NFIC: variants seen among roughly 807,000 people sequenced by gnomAD.
NFIC encodes nuclear factor I C.
NFIC carries 12 observed loss-of-function variants against 54.4 expected under a neutral mutation model. That is an observed-to-expected ratio of 0.22 (90% confidence interval 0.14 to 0.36). The LOEUF (loss-of-function observed/expected upper bound fraction) is 0.36. NFIC is among the 10% of genes least tolerant of loss of function. The probability of loss-of-function intolerance (pLI) is 1.00; values close to 1 mark genes in which losing one functional copy is unlikely to be tolerated. For missense variants in NFIC, 575 were observed against 718.2 expected (o/e 0.80, Z 2.28); for synonymous variants, 322 against 319.2 (o/e 1.01, Z -0.09).
chr19:3,417,722 T>A lies in NFIC; in HGVS notation c.563-7384T>A, dbSNP rs374622366. 1.1e-4 allele frequency among the ~76,000 whole-genome samples: 17 copies of A among 147,986 alleles called. No individual in the cohort carries two copies. The East Asian group carries it at 2.6e-3, about 23-fold the overall frequency. ...CTCACTGCAACCTCTGCCTCCCGGG[T>A]TCACGCCATTCTCCTGCCTCAGCCT... On this transcript the variant is annotated intron_variant, in intron 2 of 10. Coordinates refer to ENST00000443272, the MANE Select transcript of NFIC (RefSeq NM_001245002.2).
In NFIC at chr19:3,409,225, A is replaced by T. The variant is rs576884938; in HGVS notation, c.563-15881A>T. On this transcript the variant is annotated intron_variant, in intron 2 of 10. Coordinates refer to ENST00000443272, the MANE Select transcript of NFIC (RefSeq NM_001245002.2). ...TCTGTCTCTGCCTTTCACACATCCA[A>T]CTTCATTCCTGCCCCGTGGACCTTG... 1.3e-3 allele frequency among the ~76,000 whole-genome samples: 203 copies of T among 151,694 alleles called. 1 individual carries two copies. The highest frequency in any genetic ancestry group is 4.8e-3 in the African/African-American group (197 of 41,348).
At chr19:3,404,527 G>C (rs891560691) in intron 2 of NFIC, among the ~76,000 whole-genome samples, 1 of 152,042 alleles carries the variant, frequency 6.6e-6, no homozygotes, top group South Asian at 2.1e-4. Flanking sequence ...CAGAGGGGCT[G>C]GGGGAGGCGG....
intron 6 of NFIC, among the ~76,000 whole-genome samples, chr19:3,443,621 A>G (rs1291949270): frequency 6.6e-6 from 1 of 152,024 alleles, no homozygotes; most frequent in African/African-American, 2.4e-5. Context: ...TGGGACGCAG[A>G]GGATCATGGG....
At chr19:3,423,468 G>T (rs2081983425) in intron 2 of NFIC, among the ~76,000 whole-genome samples, 1 of 152,062 alleles carries the variant, frequency 6.6e-6, no homozygotes, top group South Asian at 2.1e-4. Flanking sequence ...TCTTCCTGCG[G>T]CTTTCGACGT....
At chr19:3,454,239 C>T (rs2082516661) in intron 9 of NFIC, 5 of 1,176,234 alleles carry the variant, frequency 4.3e-6, no homozygotes, top group East Asian at 4.1e-5. Context: ...ACAGTGGACA[C>T]GGATCTCACA....
chr19:3,434,165 G>C (rs969815597), intron 4 of NFIC, 112 bp from the exon 5 acceptor site: 1 of 1,452,804 alleles, frequency 6.9e-7, no homozygotes, highest in African/African-American at 1.4e-5. Context: ...GGGCCAATAT[G>C]GGAAGGGGGT....
At chr19:3,435,832 TTTC>T (rs1555679513) in intron 6 of NFIC, among the ~76,000 whole-genome samples, 4 of 151,812 alleles carry the variant, frequency 2.6e-5, no homozygotes, top group African/African-American at 9.7e-5. Flanking sequence ...TCTTTCTTTC[TTTC>T]TTTTTTTTGA....
chr19:3,463,452 A>C lies in NFIC; in HGVS notation c.*683A>C. On this transcript the variant is annotated 3_prime_UTR_variant, in exon 11 of 11. Transcript: ENST00000443272. Reference sequence around the variant, plus strand: ...GGCGCTTGCGAGCCCTGGCCAGGGGAGGAAGTGAGGCCCAGGCACCTGCTG... The same window carrying C: ...GGCGCTTGCGAGCCCTGGCCAGGGGCGGAAGTGAGGCCCAGGCACCTGCTG... 1.0e-6 allele frequency: 1 copy of C among 985,208 alleles called. No homozygotes were observed. Among genetic ancestry groups the C allele is most frequent in the Non-Finnish European group, 1.2e-6 (1 of 829,932 alleles). 61.0% of individuals were successfully genotyped at this position (985,208 alleles called of 1,614,324 possible).
At chr19:3,434,453 C>G in intron 5 of NFIC, 53 bp downstream of exon 5, 1 of 1,542,480 alleles carries the variant, frequency 6.5e-7, no homozygotes, top group Non-Finnish European at 8.7e-7. Context: ...TTCATCAACC[C>G]ATCCCCTCTG....
chr19:3,423,543 C>T (rs569388523), intron 2 of NFIC, among the ~76,000 whole-genome samples: 1 of 152,254 alleles, frequency 6.6e-6, no homozygotes, highest in South Asian at 2.1e-4. Flanking sequence ...GGGGCGTCTG[C>T]CTGGCTGGGC....
chr19:3,430,080 AG>A (rs1165118080), intron 3 of NFIC, among the ~76,000 whole-genome samples: 4 of 152,106 alleles, frequency 2.6e-5, no homozygotes, highest in African/African-American at 9.7e-5. Context: ...GTTCCCCACC[AG>A]CCGCCTGCCT....
chr19:3,397,923 G>A (rs2081491025), intron 2 of NFIC, among the ~76,000 whole-genome samples: 1 of 152,220 alleles, frequency 6.6e-6, no homozygotes, highest in Admixed American at 6.5e-5. Context: ...GTCTGGAGCA[G>A]GAGATGTGAT....
intron 3 of NFIC, among the ~76,000 whole-genome samples, chr19:3,428,461 A>AG (rs2082063024): frequency 1.3e-5 from 2 of 151,048 alleles, no homozygotes; most frequent in Non-Finnish European, 3.0e-5. Context: ...AAAAAAAAAA[A>AG]GGAAAGGAAA....
chr19:3,461,548 C>T (rs2082639136), intron 10 of NFIC, among the ~76,000 whole-genome samples: 1 of 151,346 alleles, frequency 6.6e-6, no homozygotes, highest in Non-Finnish European at 1.5e-5. Flanking sequence ...CATGGCGAAA[C>T]CCGGTCTCTA....
At chr19:3,404,835 C>T (rs1208029037) in intron 2 of NFIC, among the ~76,000 whole-genome samples, 1 of 152,206 alleles carries the variant, frequency 6.6e-6, no homozygotes, top group African/African-American at 2.4e-5. Context: ...CCTCCAGGGA[C>T]CTCCAGACCC....
rs374659949 is a variant in NFIC, at chr19:3,375,854, C to G, written c.31-5858C>G. Among the ~76,000 whole-genome samples the G allele has an allele frequency of 7.9e-5, 12 of 152,170 alleles. No homozygotes were observed. The highest frequency in any genetic ancestry group is 1.6e-4 in the Non-Finnish European group (11 of 68,028). On this transcript the variant is annotated intron_variant, in intron 1 of 10. Coordinates refer to ENST00000443272, the MANE Select transcript of NFIC (RefSeq NM_001245002.2). The surrounding 1 kb of genome is among the most constrained non-coding windows in gnomAD (Gnocchi z 4.6). ...GCCCATCCCGGCCTGGAAATGGGAC[C>G]GAGTCCAGCCACATCCGCTGGCACA...
At chr19:3,419,143 G>A (rs1371476651) in intron 2 of NFIC, among the ~76,000 whole-genome samples, 1 of 152,146 alleles carries the variant, frequency 6.6e-6, no homozygotes, top group Non-Finnish European at 1.5e-5. Flanking sequence ...GAAAGTTCTG[G>A]AGAGGATGGT....
At chr19:3,402,752 A>G (rs1310589350) in intron 2 of NFIC, among the ~76,000 whole-genome samples, 1 of 152,202 alleles carries the variant, frequency 6.6e-6, no homozygotes, top group Non-Finnish European at 1.5e-5. Context: ...AGAGATCTCA[A>G]GAGAGAGCAA....
rs1276513935 is a variant in NFIC at position 3,458,883 on chromosome 19, A to AG, written c.1509+2253dup. ...AGAGGCTCTCAGGGGAGCATGGGTT[A>AG]GGGGGAAGGCGAGGTCCCCAAACTG... is the stretch of plus-strand genomic sequence containing the variant. On this transcript the variant is annotated intron_variant, in intron 10 of 10. Transcript: ENST00000443272. This position sits in a 1 kb window ranked among gnomAD's most constrained non-coding sequence, Gnocchi z 4.1. Among the ~76,000 whole-genome samples the AG allele has an allele frequency of 6.6e-6, 1 of 152,070 alleles. No homozygotes were observed. The highest frequency in any genetic ancestry group is 6.5e-5 in the Admixed American group (1 of 15,278).
Sources: gnomAD v4.1 joint callset for allele counts (sites outside exome capture counted in the v4.1 genomes callset) on GRCh38, gnomAD v4.1.1 for gene constraint, Gnocchi (gnomAD v3.1) non-coding constraint, MANE v1.5 for transcripts, NCBI Gene and HGNC (gene_info 2026-07-23, HGNC 2026-07-21) for gene names.